L3MBTL3: variants seen among roughly 807,000 people sequenced by gnomAD.
The protein encoded by L3MBTL3 is lethal(3)malignant brain tumor-like protein 3.
In L3MBTL3, 27 loss-of-function variants were observed where a neutral mutation model predicts 102.3. That is an observed-to-expected ratio of 0.26 (90% CI 0.19 to 0.36). The LOEUF is 0.36. Ranked by LOEUF, L3MBTL3 falls within the 10% of genes least tolerant of loss-of-function variation. The probability of loss-of-function intolerance (pLI) is 1.00; values close to 1 mark genes in which losing one functional copy is unlikely to be tolerated. For synonymous variants in L3MBTL3, 340 were observed against 320.9 expected, an observed-to-expected ratio of 1.06 and a Z score of -0.64; for missense variants, 798 against 955.3, an observed-to-expected ratio of 0.84 and a Z score of 2.17.
chr6:130,095,788 G>A (rs768006419), intron 18 of L3MBTL3, among the ~76,000 whole-genome samples: 11 of 152,152 alleles, frequency 7.2e-5, no homozygotes, highest in African/African-American at 1.4e-4. Flanking sequence ...GTGTGAGAGA[G>A]CTAGAGAGGG....
At chr6:130,115,380 T>A (rs1290891295) in intron 19 of L3MBTL3, among the ~76,000 whole-genome samples, 1 of 152,242 alleles carries the variant, frequency 6.6e-6, no homozygotes, top group Non-Finnish European at 1.5e-5. Context: ...AATCTGCATC[T>A]GCCTCCTTTC....
chr6:130,139,579 C>T, intron 22 of L3MBTL3, 31 bp from the exon 23 acceptor site: 1 of 1,601,104 alleles, frequency 6.2e-7, no homozygotes, highest in Non-Finnish European at 8.6e-7. Context: ...CTTGTTAATC[C>T]ACATTCTGTT....
intron 1 of L3MBTL3, chr6:130,019,336 C>A (rs1778779827): frequency 6.9e-6 from 1 of 145,696 alleles, no homozygotes; most frequent in African/African-American, 2.5e-5. Flanking sequence ...CGGCCGGGGC[C>A]GCGGATCGGT....
At chr6:130,111,803 A>C (rs1785363807) in intron 19 of L3MBTL3, among the ~76,000 whole-genome samples, 1 of 152,132 alleles carries the variant, frequency 6.6e-6, no homozygotes, top group African/African-American at 2.4e-5. Flanking sequence ...GCCAGGCTAG[A>C]GCTTTGGAGT....
chr6:130,103,957 C>T (rs1562314012), intron 18 of L3MBTL3, among the ~76,000 whole-genome samples: 1 of 152,186 alleles, frequency 6.6e-6, no homozygotes, highest in African/African-American at 2.4e-5. Context: ...GAGGAAACCT[C>T]CTTCCTTTGG....
intron 19 of L3MBTL3, among the ~76,000 whole-genome samples, chr6:130,112,177 G>T (rs941801580): frequency 6.6e-6 from 1 of 152,110 alleles, no homozygotes; most frequent in Non-Finnish European, 1.5e-5. Flanking sequence ...TGCTGTTGAC[G>T]TTCTTGGGTA....
chr6:130,033,403 T>C (rs761809086), intron 2 of L3MBTL3, among the ~76,000 whole-genome samples: 13 of 152,188 alleles, frequency 8.5e-5, no homozygotes, highest in African/African-American at 3.1e-4. Flanking sequence ...CATCCTGAGT[T>C]GATGGTGTCA....
At chr6:130,041,007 C>T (rs1780385750) in intron 2 of L3MBTL3, among the ~76,000 whole-genome samples, 1 of 152,170 alleles carries the variant, frequency 6.6e-6, no homozygotes, top group African/African-American at 2.4e-5. Flanking sequence ...TGGTTTTGCA[C>T]TATCAGTGCA....
At chr6:130,076,744 T>TA (rs1312766933) in intron 13 of L3MBTL3, among the ~76,000 whole-genome samples, 1 of 152,318 alleles carries the variant, frequency 6.6e-6, no homozygotes, top group Non-Finnish European at 1.5e-5. Context: ...TGACTTGTTT[T>TA]ACAATAGTAG....
At chr6:130,115,994 C>T (rs112642878) in intron 19 of L3MBTL3, among the ~76,000 whole-genome samples, 32 of 152,296 alleles carry the variant, frequency 2.1e-4, no homozygotes, top group African/African-American at 7.0e-4. Context: ...CTTCATTCTA[C>T]AAACATGGAA....
At chr6:130,096,330 A>G (rs1437500632) in intron 18 of L3MBTL3, among the ~76,000 whole-genome samples, 1 of 152,210 alleles carries the variant, frequency 6.6e-6, no homozygotes, top group African/African-American at 2.4e-5. Context: ...AAAACATAAG[A>G]TACCAAATAA....
chr6:130,139,422 T>A (rs1272309474), intron 22 of L3MBTL3, among the ~76,000 whole-genome samples, 188 bp from the exon 23 acceptor site: 4 of 152,230 alleles, frequency 2.6e-5, no homozygotes, highest in African/African-American at 9.6e-5. Flanking sequence ...TTGTTCCCAG[T>A]CCACTTTGGG....
In L3MBTL3 at chr6:130,094,254, C is replaced by G. The variant is rs762140532; in HGVS notation, c.1634-11C>G. 1 of 1,600,122 alleles carries G rather than the reference C, an allele frequency of 6.2e-7. No homozygotes were observed. The highest frequency in any genetic ancestry group is 1.1e-5 in the South Asian group (1 of 89,518). The stretch of plus-strand genomic sequence containing the variant: ...TTTTGCCCCTTCTTTCTTTTCTTTG[C>G]TCTTTCATAGGCCCCTTAGAATTAA... On this transcript the variant is annotated splice_polypyrimidine_tract_variant and intron_variant, in intron 17 of 22. Transcript: ENST00000361794.
intron 19 of L3MBTL3, 97 bp downstream of exon 19, chr6:130,104,672 T>C: frequency 1.1e-6 from 1 of 878,780 alleles, no homozygotes. Context: ...CAATGTTTTC[T>C]TGGAGATTGT....
At chr6:130,046,154 T>C (rs1780711542) in intron 3 of L3MBTL3, among the ~76,000 whole-genome samples, 1 of 152,112 alleles carries the variant, frequency 6.6e-6, no homozygotes, top group Admixed American at 6.6e-5. Flanking sequence ...ATAATGTCTT[T>C]CGGAGTCTCT....
chr6:130,068,232 G>T, intron 11 of L3MBTL3, 98 bp from the exon 12 acceptor site: 1 of 613,132 alleles, frequency 1.6e-6, no homozygotes. Context: ...AAAGTCATTT[G>T]ATTGATTTTG....
At chr6:130,077,052 G>A (rs891096319) in intron 13 of L3MBTL3, among the ~76,000 whole-genome samples, 2 of 152,012 alleles carry the variant, frequency 1.3e-5, no homozygotes, top group Non-Finnish European at 2.9e-5. Flanking sequence ...AACACTGTGA[G>A]TCCGACAGAT....
rs766086257 is a variant in L3MBTL3 at position 130,088,363 on chromosome 6, G to GTT, written c.1518+2115_1518+2116dup. ...ATATAAAAAGCCTGCAACAGTAGGA[G>GTT]TTTATCTAATAAGTGGGAGATTAGA... On this transcript the variant is annotated intron_variant, in intron 16 of 22. Coordinates refer to ENST00000361794, the MANE Select transcript of L3MBTL3 (RefSeq NM_032438.4). Among the ~76,000 whole-genome samples, 13 of 152,276 alleles carry GTT rather than the reference G, an allele frequency of 8.5e-5. No homozygotes were observed. In the East Asian group the frequency reaches 9.6e-4, roughly 11 times the overall value.
At chr6:130,070,940 G>A (rs1473347198) in intron 12 of L3MBTL3, 36 bp from the exon 13 acceptor site, 3 of 1,595,362 alleles carry the variant, frequency 1.9e-6, no homozygotes, top group Admixed American at 3.4e-5. Flanking sequence ...TGTCAAGTGT[G>A]TGCTTATCTC....
Sources: gnomAD v4.1 joint callset for allele counts (sites outside exome capture counted in the v4.1 genomes callset) on GRCh38, gnomAD v4.1.1 for gene constraint, MANE v1.5 for transcripts, NCBI Gene and HGNC (gene_info 2026-07-23, HGNC 2026-07-21) for gene names.